HTR4: variants seen among roughly 807,000 people sequenced by gnomAD.
The protein encoded by HTR4 is 5-hydroxytryptamine receptor 4, also known as 5-hydroxytryptamine (serotonin) receptor 4, G protein-coupled.
HTR4 carries 16 observed loss-of-function variants against 36.8 expected under a neutral mutation model. The observed-to-expected ratio is 0.43, with a 90% CI of 0.29 to 0.66. The LOEUF (loss-of-function observed/expected upper bound fraction) is 0.66, where lower values mean the gene tolerates loss of function less well. Among genes scored for constraint, HTR4 ranks in the 30% least tolerant of loss-of-function variants. The pLI, the probability that HTR4 is intolerant of heterozygous loss-of-function variation, is 0.13. For synonymous variants in HTR4, 189 were observed against 185.1 expected, an observed-to-expected ratio of 1.02 and a Z score of -0.17; for missense variants, 438 against 490.9, an observed-to-expected ratio of 0.89 and a Z score of 1.02.
chr5:148,606,759 T>C lies in HTR4; in HGVS notation c.26+30230A>G, dbSNP rs186392135. On this transcript the variant is annotated intron_variant, in intron 2 of 6. Transcript: ENST00000377888. ...TGCTGTGGCTTAAATCCATACAAAA[T>C]ATTTGGTGATAGGTCCCATTGTTCT... Among the ~76,000 whole-genome samples the C allele has an allele frequency of 6.1e-3, 930 of 152,318 alleles. 3 individuals are homozygous for C. Among genetic ancestry groups the C allele is most frequent in the Non-Finnish European group, 7.4e-3 (506 of 68,020 alleles).
chr5:148,530,253 T>G (rs1449917596), intron 4 of HTR4, among the ~76,000 whole-genome samples: 1 of 152,114 alleles, frequency 6.6e-6, no homozygotes, highest in East Asian at 1.9e-4. Context: ...GGAGAAAATG[T>G]CTCCAGGCCA....
intron 6 of HTR4, among the ~76,000 whole-genome samples, chr5:148,500,471 A>C (rs1756886656): frequency 1.3e-5 from 2 of 151,954 alleles, no homozygotes; most frequent in Admixed American, 1.3e-4. Context: ...TTAAGGTAGG[A>C]AGTATTTTAA....
intron 4 of HTR4, among the ~76,000 whole-genome samples, chr5:148,528,794 G>C (rs1758411168): frequency 6.6e-6 from 1 of 152,014 alleles, no homozygotes; most frequent in Non-Finnish European, 1.5e-5. Flanking sequence ...GACAGAATTA[G>C]CTAATTAAAT....
intron 2 of HTR4, among the ~76,000 whole-genome samples, chr5:148,568,840 A>G (rs1760559476): frequency 6.6e-6 from 1 of 152,174 alleles, no homozygotes; most frequent in Non-Finnish European, 1.5e-5. Context: ...CCAGAGATGC[A>G]TGTAGAAGGT....
chr5:148,476,825 T>C, downstream of HTR4: 2 of 1,605,226 alleles, frequency 1.2e-6, no homozygotes, highest in Non-Finnish European at 1.7e-6. Context: ...GAAGAACAAA[T>C]AAAATGTTTG....
chr5:148,495,676 A>G (rs1756652814), intron 6 of HTR4, among the ~76,000 whole-genome samples: 1 of 152,246 alleles, frequency 6.6e-6, no homozygotes, highest in African/African-American at 2.4e-5. Flanking sequence ...TGTGGTCACA[A>G]GACTATGTAG....
intron 2 of HTR4, among the ~76,000 whole-genome samples, chr5:148,570,092 C>A (rs1017244936): frequency 1.3e-5 from 2 of 152,190 alleles, no homozygotes; most frequent in South Asian, 4.1e-4. Flanking sequence ...GTATTAATTT[C>A]TCCAAGCAGC....
At position 148,468,384 on chromosome 5, in the gene HTR4, G is replaced by A. The variant is rs185150723; in HGVS notation, c.1077-17112C>T. Among the ~76,000 whole-genome samples the A allele has an allele frequency of 3.3e-5, 5 of 152,272 alleles. No individual in the cohort carries two copies. In the East Asian group the frequency reaches 7.7e-4, roughly 24 times the overall value. Reference sequence around the variant, plus strand: ...TACTTCTATCTCCTGTACTCTGGCAGGAACTCTTGGCTACTTAAAATGGTC... The same window carrying A: ...TACTTCTATCTCCTGTACTCTGGCAAGAACTCTTGGCTACTTAAAATGGTC... On this transcript the variant is annotated intron_variant, in intron 5 of 5. Coordinates refer to the HTR4 transcript ENST00000521530.
Position 148,520,797 on chromosome 5 carries a change from T to A in HTR4, c.507+2396A>T. On this transcript the variant is annotated intron_variant, in intron 5 of 6. Coordinates refer to ENST00000377888, the MANE Select transcript of HTR4 (RefSeq NM_000870.7). ...TGGATTTCATTTCCTCCAGGAATGG[T>A]GAAACTGACAGTTTAAAATAAATTG... 2.7e-6 allele frequency: 3 copies of A among 1,122,574 alleles called. No homozygotes were observed. The East Asian group carries it at 1.5e-4, about 57-fold the overall frequency. 69.5% of individuals were successfully genotyped at this position (1,122,574 alleles called of 1,614,324 possible). A position where few individuals can be genotyped will look rare whatever the true frequency, so the allele number is the denominator to read the frequency against.
intron 2 of HTR4, among the ~76,000 whole-genome samples, chr5:148,625,576 T>C (rs199509223): frequency 6.6e-6 from 1 of 152,066 alleles, no homozygotes; most frequent in East Asian, 1.9e-4. Context: ...GTTTGTTTGT[T>C]TGGGGTTTTT....
At chr5:148,532,336 G>A (rs1758611949) in intron 4 of HTR4, among the ~76,000 whole-genome samples, 1 of 152,224 alleles carries the variant, frequency 6.6e-6, no homozygotes, top group Non-Finnish European at 1.5e-5. Context: ...TAAGTTCCAT[G>A]AGGACAGCAA....
intron 2 of HTR4, among the ~76,000 whole-genome samples, chr5:148,589,805 C>A (rs1220477814): frequency 6.6e-6 from 1 of 151,916 alleles, no homozygotes; most frequent in East Asian, 1.9e-4. Flanking sequence ...AAAATTAAAT[C>A]AATCTAATTA....
chr5:148,524,247 A>G (rs1353960369), intron 4 of HTR4, among the ~76,000 whole-genome samples: 1 of 152,198 alleles, frequency 6.6e-6, no homozygotes, highest in African/African-American at 2.4e-5. Flanking sequence ...ACGGCTGGAT[A>G]GGACCAAGGG....
chr5:148,608,755 G>C (rs889609837), intron 2 of HTR4, among the ~76,000 whole-genome samples: 1 of 152,254 alleles, frequency 6.6e-6, no homozygotes, highest in Non-Finnish European at 1.5e-5. Context: ...TAGCCCCTTA[G>C]TGTGACCAAC....
chr5:148,597,171 T>C (rs1761810570), intron 2 of HTR4, among the ~76,000 whole-genome samples: 2 of 152,214 alleles, frequency 1.3e-5, no homozygotes, highest in South Asian at 4.1e-4. Context: ...TTCTCTATGG[T>C]ACTTGGCACC....
At chr5:148,465,292 A>G (rs1490557735) in intron 5 of HTR4, among the ~76,000 whole-genome samples, 1 of 152,194 alleles carries the variant, frequency 6.6e-6, no homozygotes, top group Non-Finnish European at 1.5e-5. Flanking sequence ...ACCACTCTGG[A>G]AGAGGATATT....
chr5:148,461,511 CAGAGAT>C (rs1362967240), intron 5 of HTR4, among the ~76,000 whole-genome samples: 2 of 151,938 alleles, frequency 1.3e-5, no homozygotes, highest in African/African-American at 4.8e-5. Context: ...GAAAAGTTAT[CAGAGAT>C]AAAGAGGTGC....
At chr5:148,648,623 C>A (rs1753943700) in intron 1 of HTR4, among the ~76,000 whole-genome samples, 1 of 152,174 alleles carries the variant, frequency 6.6e-6, no homozygotes, top group Non-Finnish European at 1.5e-5. Context: ...CCTGTCTTTG[C>A]CATACTAGTT....
intron 4 of HTR4, among the ~76,000 whole-genome samples, chr5:148,534,433 C>A (rs1391106056): frequency 6.6e-6 from 1 of 152,194 alleles, no homozygotes; most frequent in Non-Finnish European, 1.5e-5. Context: ...CCCATATCTC[C>A]TCACCAGGCA....
Sources: allele counts gnomAD v4.1 joint callset (sites outside exome capture counted in the v4.1 genomes callset), GRCh38; gene constraint gnomAD v4.1.1; transcripts MANE v1.5; gene names NCBI Gene and HGNC (gene_info 2026-07-23, HGNC 2026-07-21).